Variants in RELN observed in about 807,000 individuals in gnomAD.
RELN encodes the protein reelin.
Under a neutral mutation model 427.6 loss-of-function variants are expected in RELN, and 108 were observed. The observed-to-expected ratio is 0.25, with a 90% confidence interval of 0.22 to 0.30. The LOEUF is 0.30. Among genes scored for constraint, RELN ranks in the 10% least tolerant of loss-of-function variants. The pLI is 1.00. For synonymous variants in RELN, 1,524 were observed against 1,513.4 expected, an observed-to-expected ratio of 1.01 and a Z score of -0.16; for missense variants, 3,715 against 4,302.8, an observed-to-expected ratio of 0.86 and a Z score of 3.82.
rs750326882 is a variant in RELN, at chr7:103,561,713, A to G, written c.5352-4T>C. 6.2e-7 allele frequency: 1 copy of G among 1,613,986 alleles called. No individual in the cohort carries two copies. The highest frequency in any genetic ancestry group is 1.7e-5 in the Admixed American group (1 of 59,982). ...TCCACCAAAGCCCCGGTCACACCTAAGAAAGAGAGGGAGTGGAGAAAAGAC... is the reference window on the plus strand; with the variant it reads ...TCCACCAAAGCCCCGGTCACACCTAGGAAAGAGAGGGAGTGGAGAAAAGAC... On this transcript the variant is annotated splice_region_variant and splice_polypyrimidine_tract_variant and intron_variant, in intron 35 of 64. Coordinates refer to ENST00000428762, the MANE Select transcript of RELN (RefSeq NM_005045.4).
At position 103,953,909 on chromosome 7, in the gene RELN, G is replaced by A. The variant is rs147126566; in HGVS notation, c.226+35222C>T. Among the ~76,000 whole-genome samples the A allele has an allele frequency of 1.3e-5, 2 of 152,082 alleles. No homozygotes were observed. Among genetic ancestry groups the A allele is most frequent in the African/African-American group, 4.8e-5 (2 of 41,496 alleles). ...ACCGTGCCACTACATGCCAGGCTGT[G>A]CGGCAGAGCAAGACTCCATCTCAAA... is the stretch of plus-strand genomic sequence containing the variant. On this transcript the variant is annotated intron_variant, in intron 1 of 64. Transcript: ENST00000428762. This position sits in a 1 kb window ranked among gnomAD's most constrained non-coding sequence, Gnocchi z 4.3.
intron 2 of RELN, among the ~76,000 whole-genome samples, chr7:103,904,998 TTTGA>T (rs1795166453): frequency 2.2e-5 from 3 of 136,738 alleles, no homozygotes; most frequent in Non-Finnish European, 4.6e-5. Flanking sequence ...TTTTTTTTTT[TTTGA>T]GATAATCTCG....
At chr7:103,685,799 G>A (rs17286505) in intron 10 of RELN, among the ~76,000 whole-genome samples, 1 of 151,710 alleles carries the variant, frequency 6.6e-6, no homozygotes, top group Non-Finnish European at 1.5e-5. Context: ...CTTTACTTGA[G>A]AAGCAGAACA....
chr7:103,643,481 T>C (rs1253757146), intron 16 of RELN, among the ~76,000 whole-genome samples: 1 of 152,024 alleles, frequency 6.6e-6, no homozygotes, highest in Non-Finnish European at 1.5e-5. Flanking sequence ...ACTGAATTTG[T>C]CAGCCTCCTT....
intron 64 of RELN, among the ~76,000 whole-genome samples, chr7:103,473,760 G>T (rs1827938103): frequency 6.6e-6 from 1 of 152,142 alleles, no homozygotes. Flanking sequence ...AAAAAGGATT[G>T]TGAGCTATAA....
rs142790227 is a variant in RELN at position 103,665,503 on chromosome 7, T to C, written c.1290-3976A>G. Among the ~76,000 whole-genome samples, 578 of 152,266 alleles carry C rather than the reference T, an allele frequency of 3.8e-3. 5 individuals carry two copies. Among genetic ancestry groups the C allele is most frequent in the African/African-American group, 0.013 (553 of 41,548 alleles). ...CCTTGTTAACTCTTCCTAATGAATG[T>C]TAGAATCACTTTGTTGAGTTCTATT... On this transcript the variant is annotated intron_variant, in intron 11 of 64. Coordinates refer to ENST00000428762, the MANE Select transcript of RELN (RefSeq NM_005045.4).
At chr7:103,839,420 C>T (rs1793498134) in intron 2 of RELN, among the ~76,000 whole-genome samples, 1 of 149,920 alleles carries the variant, frequency 6.7e-6, no homozygotes, top group Non-Finnish European at 1.5e-5. Flanking sequence ...ATTAGAAATC[C>T]ATTGATCTAA....
chr7:103,808,486 G>T (rs1459485493), intron 3 of RELN, among the ~76,000 whole-genome samples: 1 of 151,726 alleles, frequency 6.6e-6, no homozygotes, highest in Non-Finnish European at 1.5e-5. Flanking sequence ...GAACTTCCAG[G>T]TCAACAATCA....
chr7:103,828,115 T>C (rs1274397738), intron 3 of RELN, among the ~76,000 whole-genome samples: 1 of 151,984 alleles, frequency 6.6e-6, no homozygotes, highest in Non-Finnish European at 1.5e-5. Flanking sequence ...GTCTGATGAA[T>C]GGAAATAAAT....
chr7:103,914,181 T>A (rs755237077), intron 2 of RELN, among the ~76,000 whole-genome samples: 1 of 152,194 alleles, frequency 6.6e-6, no homozygotes, highest in Non-Finnish European at 1.5e-5. Context: ...TTTTATTCTT[T>A]GTTTGTTTGT....
Position 103,717,307 on chromosome 7 carries a change from T to C in RELN, c.805+5833A>G, listed in dbSNP as rs1789962111. Among the ~76,000 whole-genome samples, 2 of 149,268 alleles carry C rather than the reference T, an allele frequency of 1.3e-5. 1 individual carries two copies. The highest frequency in any genetic ancestry group is 4.2e-4 in the South Asian group (2 of 4,800). ...AATATATATTTATAAATATTATAGATAAATATACATATGTTTTATATATAT... is the reference window on the plus strand; with the variant it reads ...AATATATATTTATAAATATTATAGACAAATATACATATGTTTTATATATAT... On this transcript the variant is annotated intron_variant, in intron 8 of 64. Coordinates refer to ENST00000428762, the MANE Select transcript of RELN (RefSeq NM_005045.4).
chr7:103,754,546 G>A (rs535493126), intron 4 of RELN, among the ~76,000 whole-genome samples: 15 of 152,216 alleles, frequency 9.9e-5, no homozygotes, highest in African/African-American at 3.4e-4. Context: ...ACTGAGGCAA[G>A]AGGATTACTT....
chr7:103,657,560 T>G (rs9690586), intron 12 of RELN, among the ~76,000 whole-genome samples: 44,994 of 151,944 alleles, frequency 0.3, 6,847 homozygotes, highest in South Asian at 0.39. Context: ...TTCTGTAACT[T>G]CTCTCTGCTC....
At chr7:103,961,141 C>T (rs1796545166) in intron 1 of RELN, among the ~76,000 whole-genome samples, 1 of 152,204 alleles carries the variant, frequency 6.6e-6, no homozygotes. Flanking sequence ...TACCTGTATT[C>T]TTCACTAAGG....
In RELN at chr7:103,697,882, A is replaced by C; in HGVS notation, c.1114T>G (p.Trp372Gly). 1 of 1,613,746 alleles carries C rather than the reference A, an allele frequency of 6.2e-7. No individual in the cohort carries two copies. Among genetic ancestry groups the C allele is most frequent in the Non-Finnish European group, 8.5e-7 (1 of 1,179,794 alleles). The part of the protein sequence containing the change: ...DSLDPVDTGN[W>G]LFFPGATVKH... ...ACTGTAGCTCCTGGGAAGAAAAGCC[A>C]GTTGCCTGTGTCCACTGGGTCGAGA... Residue 372 changes from tryptophan to glycine, a missense_variant, in exon 10 of 65, where the codon TGG becomes GGG. Transcript: ENST00000428762.
chr7:103,791,079 G>T (rs374223518), intron 3 of RELN, among the ~76,000 whole-genome samples: 1 of 151,920 alleles, frequency 6.6e-6, no homozygotes, highest in Admixed American at 6.6e-5. Context: ...TGTAAGACTT[G>T]TACATAACTA....
At chr7:103,642,999 G>A (rs1019098430) in intron 16 of RELN, among the ~76,000 whole-genome samples, 1 of 152,070 alleles carries the variant, frequency 6.6e-6, no homozygotes, top group Non-Finnish European at 1.5e-5. Context: ...TAAGGTCTTT[G>A]AGGGTGGGCT....
chr7:103,605,724 T>G (rs1169307656), intron 22 of RELN, among the ~76,000 whole-genome samples: 1 of 152,222 alleles, frequency 6.6e-6, no homozygotes, highest in East Asian at 1.9e-4. Context: ...ATGATCTAAA[T>G]GATCCATTAA....
chr7:103,854,680 T>A (rs918124442), intron 2 of RELN, among the ~76,000 whole-genome samples: 1 of 152,120 alleles, frequency 6.6e-6, no homozygotes. Flanking sequence ...ATAACAGTGA[T>A]GGGAATAAGA....
Sources: allele counts gnomAD v4.1 joint callset (sites outside exome capture counted in the v4.1 genomes callset), GRCh38; gene constraint gnomAD v4.1.1; non-coding constraint Gnocchi (gnomAD v3.1); transcripts MANE v1.5; gene names NCBI Gene and HGNC (gene_info 2026-07-23, HGNC 2026-07-21).